PRKCB: variants seen among roughly 807,000 people sequenced by gnomAD.
The protein encoded by PRKCB is protein kinase C beta, also known as protein kinase C beta type.
In PRKCB, 13 loss-of-function variants were observed where a neutral mutation model predicts 81.5. That is an observed-to-expected ratio of 0.16 (90% CI 0.10 to 0.25). PRKCB has a LOEUF of 0.25. Among genes scored for constraint, PRKCB ranks in the 10% least tolerant of loss-of-function variants. The probability of loss-of-function intolerance (pLI) is 1.00; values close to 1 mark genes in which losing one functional copy is unlikely to be tolerated. For missense variants in PRKCB, 509 were observed against 875.7 expected, an observed-to-expected ratio of 0.58 and a Z score of 5.29; for synonymous variants, 335 against 321.4, an observed-to-expected ratio of 1.04 and a Z score of -0.45.
chr16:23,897,831 A>G (rs1168569620), intron 2 of PRKCB, among the ~76,000 whole-genome samples: 7 of 151,988 alleles, frequency 4.6e-5, no homozygotes, highest in Admixed American at 3.3e-4. Flanking sequence ...TCTCCCATCC[A>G]TCCATCCATC....
chr16:24,047,786 C>T (rs1024512838), intron 5 of PRKCB, among the ~76,000 whole-genome samples: 5 of 152,196 alleles, frequency 3.3e-5, no homozygotes, highest in Non-Finnish European at 5.9e-5. Context: ...CTTTAGGGCA[C>T]AGGTTGGGAC....
At chr16:24,013,892 G>A (rs937429970) in intron 3 of PRKCB, among the ~76,000 whole-genome samples, 5 of 152,050 alleles carry the variant, frequency 3.3e-5, no homozygotes, top group East Asian at 1.9e-4. Context: ...TGTTTCTAGC[G>A]GTCATGAGGA....
intron 2 of PRKCB, among the ~76,000 whole-genome samples, chr16:23,967,938 A>G (rs1964509408): frequency 6.6e-6 from 1 of 152,196 alleles, no homozygotes; most frequent in Non-Finnish European, 1.5e-5. Context: ...TATAGGCGTG[A>G]GCCACTGCGC....
chr16:23,967,350 T>C (rs1398129231), intron 2 of PRKCB, among the ~76,000 whole-genome samples: 3 of 152,194 alleles, frequency 2.0e-5, no homozygotes, highest in Non-Finnish European at 2.9e-5. Flanking sequence ...AGCTTCCTCA[T>C]AGTCACCCAT....
At chr16:23,919,990 G>A (rs1305553708) in intron 2 of PRKCB, among the ~76,000 whole-genome samples, 1 of 152,134 alleles carries the variant, frequency 6.6e-6, no homozygotes, top group African/African-American at 2.4e-5. Flanking sequence ...TCAAGGCCCT[G>A]TTTTCAATTC....
At chr16:23,975,188 G>A (rs1339849838) in intron 2 of PRKCB, among the ~76,000 whole-genome samples, 2 of 152,232 alleles carry the variant, frequency 1.3e-5, no homozygotes, top group African/African-American at 2.4e-5. Context: ...CCTCGTTGCA[G>A]AATTGTTGCT....
At chr16:24,156,368 A>G (rs1009890293) in intron 10 of PRKCB, among the ~76,000 whole-genome samples, 1 of 151,806 alleles carries the variant, frequency 6.6e-6, no homozygotes, top group Non-Finnish European at 1.5e-5. Flanking sequence ...TCGATCTCCC[A>G]TGCTCAAGTG....
intron 5 of PRKCB, among the ~76,000 whole-genome samples, chr16:24,037,940 C>A (rs1356083694): frequency 1.3e-5 from 2 of 151,792 alleles, no homozygotes; most frequent in Non-Finnish European, 2.9e-5. Context: ...ATAATCCCAG[C>A]GCTTTGGAAG....
intron 10 of PRKCB, among the ~76,000 whole-genome samples, chr16:24,162,692 A>T (rs1967278057): frequency 6.6e-6 from 1 of 152,110 alleles, no homozygotes; most frequent in South Asian, 2.1e-4. Flanking sequence ...AGGCTCAAGT[A>T]GTCCCCATAC....
chr16:24,220,269 G>C lies in PRKCB; in HGVS notation c.*5453G>C. On this transcript the variant is annotated 3_prime_UTR_variant, in exon 17 of 17. Coordinates refer to ENST00000643927, the MANE Select transcript of PRKCB (RefSeq NM_002738.7). ...TTTTCTTTGTATGTGTAGCTTGCTAGTTTGTTTTCTACATTTGAAAATGTT... is the reference window on the plus strand; with the variant it reads ...TTTTCTTTGTATGTGTAGCTTGCTACTTTGTTTTCTACATTTGAAAATGTT... The C allele has an allele frequency of 2.4e-6, 2 of 850,308 alleles. No homozygotes were observed. The highest frequency in any genetic ancestry group is 3.5e-6 in the Non-Finnish European group (2 of 572,098). 52.7% of individuals were successfully genotyped at this position (850,308 alleles called of 1,614,324 possible).
At chr16:23,883,225 G>A (rs1351167068) in intron 2 of PRKCB, among the ~76,000 whole-genome samples, 4 of 152,210 alleles carry the variant, frequency 2.6e-5, no homozygotes, top group African/African-American at 7.2e-5. Context: ...TGACAACAGA[G>A]TGATGTGGTG....
intron 14 of PRKCB, 84 bp from the exon 15 acceptor site, chr16:24,185,376 G>C: frequency 7.4e-7 from 1 of 1,343,034 alleles, no homozygotes; most frequent in Admixed American, 1.8e-5. Flanking sequence ...GTGGGCCCCA[G>C]GGAGGAGGGT....
chr16:24,189,682 G>C (rs1967760627), intron 15 of PRKCB, among the ~76,000 whole-genome samples: 1 of 148,710 alleles, frequency 6.7e-6, no homozygotes, highest in Admixed American at 6.7e-5. Context: ...AGCTTAGAAT[G>C]TAAGTGCTCA....
chr16:23,876,114 C>A (rs910374108), intron 2 of PRKCB, among the ~76,000 whole-genome samples: 1 of 152,218 alleles, frequency 6.6e-6, no homozygotes. Flanking sequence ...CACACGCATG[C>A]AGTCATTTTT....
chr16:24,046,956 G>A lies in PRKCB; in HGVS notation c.529+11409G>A, dbSNP rs564158227. On this transcript the variant is annotated intron_variant, in intron 5 of 16. Transcript: ENST00000643927. Reference sequence around the variant, plus strand: ...GTGGTAGCATGTGGCTATGGTCCCAGTTACTCAGGAGGCTGAAGCAGGATC... The same window carrying A: ...GTGGTAGCATGTGGCTATGGTCCCAATTACTCAGGAGGCTGAAGCAGGATC... 7.2e-5 allele frequency among the ~76,000 whole-genome samples: 11 copies of A among 152,286 alleles called. No homozygotes were observed. The South Asian group carries it at 1.0e-3, about 14-fold the overall frequency.
intron 2 of PRKCB, among the ~76,000 whole-genome samples, chr16:23,918,589 G>A (rs559782458): frequency 6.6e-6 from 1 of 151,990 alleles, no homozygotes; most frequent in Non-Finnish European, 1.5e-5. Context: ...TAGAGGTGGG[G>A]TCTTGCCATG....
intron 2 of PRKCB, among the ~76,000 whole-genome samples, chr16:23,931,421 C>T (rs550046329): frequency 2.0e-5 from 3 of 152,234 alleles, no homozygotes; most frequent in East Asian, 3.9e-4. Flanking sequence ...TAGACATGTG[C>T]GTGGAGTGAG....
chr16:24,079,240 G>A (rs953501502), intron 5 of PRKCB, among the ~76,000 whole-genome samples: 2 of 152,078 alleles, frequency 1.3e-5, no homozygotes, highest in African/African-American at 4.8e-5. Flanking sequence ...GACTCAGCCT[G>A]CCTGCACCCA....
At chr16:23,912,840 T>TTTATTTTTTTA (rs59682849) in intron 2 of PRKCB, among the ~76,000 whole-genome samples, 8 of 148,134 alleles carry the variant, frequency 5.4e-5, no homozygotes, top group South Asian at 2.2e-4. Flanking sequence ...TTATTTATTT[T>TTTATTTTTTTA]TTGATATGGA....
Sources: gnomAD v4.1 joint callset for allele counts (sites outside exome capture counted in the v4.1 genomes callset) on GRCh38, gnomAD v4.1.1 for gene constraint, MANE v1.5 for transcripts, NCBI Gene and HGNC (gene_info 2026-07-23, HGNC 2026-07-21) for gene names.